The following SLC1A5 variants were observed in gnomAD, a reference collection of about 807,000 sequenced individuals.
SLC1A5 encodes neutral amino acid transporter B(0).
SLC1A5 carries 25 observed loss-of-function variants against 34.9 expected under a neutral mutation model. The ratio of observed to expected loss-of-function variants is 0.72; its 90% CI spans 0.52 to 1.00. SLC1A5 has a LOEUF of 1.00. Ranked by LOEUF, SLC1A5 falls within the 50% of genes least tolerant of loss-of-function variation. The pLI, the probability that SLC1A5 is intolerant of heterozygous loss-of-function variation, is 0.00. For synonymous variants in SLC1A5, 351 were observed against 341.2 expected, an observed-to-expected ratio of 1.03 and a Z score of -0.32; for missense variants, 637 against 740.0, an observed-to-expected ratio of 0.86 and a Z score of 1.61.
chr19:46,783,791 AAAC>A (rs775309896), intron 3 of SLC1A5, among the ~76,000 whole-genome samples: 23 of 152,218 alleles, frequency 1.5e-4, no homozygotes, highest in Admixed American at 5.2e-4. Context: ...TGTGTCAGAA[AAAC>A]AACAACAAAA....
At chr19:46,780,894 A>G (rs1444125200) in intron 4 of SLC1A5, among the ~76,000 whole-genome samples, 1 of 151,990 alleles carries the variant, frequency 6.6e-6, no homozygotes, top group Non-Finnish European at 1.5e-5. Flanking sequence ...TCACTTGAAC[A>G]TGGGAGGCAG....
chr19:46,787,774 G>T lies in SLC1A5; in HGVS notation c.192C>A (p.Ala64=), dbSNP rs1279780694. The T allele has an allele frequency of 2.6e-5, 41 of 1,548,130 alleles. No homozygotes were observed. The highest frequency in any genetic ancestry group is 3.5e-5 in the Non-Finnish European group (40 of 1,149,292). The change falls in exon 1 of 8, where the codon GCC becomes GCA. Residue 64 remains alanine, a synonymous_variant. Transcript: ENST00000542575. The surrounding 1 kb of genome is among the most constrained non-coding windows in gnomAD (Gnocchi z 5.2). ...ACACCCCCAGTCCCAGCGCCACGCC[G>T]GCCACCACGGCCACCACTGTCAGCA... is the stretch of plus-strand genomic sequence containing the variant. ...LVLLTVVAVV[A]GVALGLGVSG...
rs1415067533 is a variant in SLC1A5 at position 46,784,532 on chromosome 19, T to C, written c.594A>G (p.Ser198=). 3.1e-6 allele frequency: 5 copies of C among 1,614,106 alleles called. No homozygotes were observed. The highest frequency in any genetic ancestry group is 3.4e-6 in the Non-Finnish European group (4 of 1,180,020). Residue 198 remains serine, a synonymous_variant, in exon 2 of 8, where the codon TCA becomes TCG. Transcript: ENST00000542575. The part of the protein sequence containing the change: ...ARNIFPSNLV[S]AAFRSYSTTY... Reference sequence around the variant, plus strand: ...GAGGACTCACTGAGCGAAAGGCTGCTGACACCAGGTTGGAAGGGAAGATAT... The same window carrying C: ...GAGGACTCACTGAGCGAAAGGCTGCCGACACCAGGTTGGAAGGGAAGATAT...
intron 5 of SLC1A5, among the ~76,000 whole-genome samples, chr19:46,777,693 C>T (rs1375579353): frequency 1.4e-5 from 2 of 145,958 alleles, no homozygotes; most frequent in Non-Finnish European, 3.0e-5. Flanking sequence ...GCCCATACCA[C>T]TTGCCCAGCC....
intron 5 of SLC1A5, 25 bp downstream of exon 5, chr19:46,778,650 A>AGCCCCCC: frequency 6.2e-6 from 4 of 641,652 alleles, no homozygotes; most frequent in South Asian, 1.4e-5. Context: ...TAAACATCCC[A>AGCCCCCC]CCCTAGCCCA....
intron 1 of SLC1A5, 134 bp from the exon 2 acceptor site, chr19:46,784,693 C>T (rs1311310243): frequency 1.3e-6 from 2 of 1,579,238 alleles, no homozygotes; most frequent in Non-Finnish European, 1.7e-6. Context: ...ACAGCCCCTA[C>T]TCATGCCTCA....
intron 4 of SLC1A5, among the ~76,000 whole-genome samples, chr19:46,780,104 A>G (rs2055133931): frequency 6.6e-6 from 1 of 152,060 alleles, no homozygotes; most frequent in African/African-American, 2.4e-5. Flanking sequence ...TGCCTGCCTC[A>G]GCCTCCCAAA....
In SLC1A5 at chr19:46,780,176, CA is replaced by C. The variant is rs531920331; in HGVS notation, c.825-1269del. ...CACCCAGTTTCTTAAACAACAACAA[CA>C]AAAAAAATGAGCTAGGCTTTGTGGC... On this transcript the variant is annotated intron_variant, in intron 4 of 7. Coordinates refer to ENST00000542575, the MANE Select transcript of SLC1A5 (RefSeq NM_005628.3). Among the ~76,000 whole-genome samples, 93 of 151,012 alleles carry C rather than the reference CA, an allele frequency of 6.2e-4. 2 individuals carry two copies. The Middle Eastern group carries it at 0.021, about 33-fold the overall frequency.
rs1016758567 is a variant in SLC1A5, at chr19:46,778,664, C to T, written c.1058+11G>A. On this transcript the variant is annotated intron_variant, in intron 5 of 7. Coordinates refer to ENST00000542575, the MANE Select transcript of SLC1A5 (RefSeq NM_005628.3). ...TTAAACATCCCACCCTAGCCCACCCCAAGGCCGTACCTGGAAGAGGTCCCA... is the reference window on the plus strand; with the variant it reads ...TTAAACATCCCACCCTAGCCCACCCTAAGGCCGTACCTGGAAGAGGTCCCA... 3 of 1,531,886 alleles carry T rather than the reference C, an allele frequency of 2.0e-6. No individual in the cohort carries two copies. The highest frequency in any genetic ancestry group is 2.7e-6 in the Non-Finnish European group (3 of 1,110,114). 94.9% of individuals were successfully genotyped at this position (1,531,886 alleles called of 1,614,324 possible). A position where few individuals can be genotyped will look rare whatever the true frequency, so the allele number is the denominator to read the frequency against.
intron 4 of SLC1A5, among the ~76,000 whole-genome samples, chr19:46,780,226 T>C (rs955302516): frequency 8.6e-5 from 13 of 152,044 alleles, no homozygotes; most frequent in Non-Finnish European, 1.6e-4. Flanking sequence ...CCCAGCCACT[T>C]AGGAGGTTGA....
intron 4 of SLC1A5, among the ~76,000 whole-genome samples, chr19:46,779,148 G>A (rs2055124757): frequency 6.6e-6 from 1 of 152,188 alleles, no homozygotes; most frequent in Admixed American, 6.5e-5. Flanking sequence ...GTGCAGGCCG[G>A]GCACGGTGGC....
At chr19:46,782,351 A>ACCCCCCCCCCCCCC in intron 4 of SLC1A5, 32 bp downstream of exon 4, 1 of 256,186 alleles carries the variant, frequency 3.9e-6, no homozygotes, top group Non-Finnish European at 7.0e-6. Flanking sequence ...CTCCAACCCC[A>ACCCCCCCCCCCCCC]CCCACCCCCA....
At chr19:46,781,529 C>T (rs141511424) in intron 4 of SLC1A5, among the ~76,000 whole-genome samples, 290 of 152,186 alleles carry the variant, frequency 1.9e-3, no homozygotes, top group African/African-American at 6.8e-3. Flanking sequence ...ACCCGGGAGG[C>T]GGAGTTTGCA....
rs73566931 is a variant in SLC1A5 at position 46,778,725 on chromosome 19, G to C, written c.1008C>G (p.Phe336Leu). The change falls in exon 5 of 8, where the codon TTC becomes TTG. Residue 336 changes from phenylalanine (F) to leucine (L), a missense_variant. Physicochemically the swap from Phe to Leu is conservative, Grantham distance 22 (BLOSUM62 0). Transcript: ENST00000542575. Reference protein sequence around the residue: ...FLFTRKNPYRFLWGIVTPLAT... With the variant: ...FLFTRKNPYRLLWGIVTPLAT... Reference sequence around the variant, plus strand: ...CCAGCGGCGTCACGATGCCCCACAGGAAGCGGTAGGGGTTTTTGCGGGTGA... The same window carrying C: ...CCAGCGGCGTCACGATGCCCCACAGCAAGCGGTAGGGGTTTTTGCGGGTGA... 3.1e-4 allele frequency: 493 copies of C among 1,614,056 alleles called. No individual in the cohort carries two copies. In the African/African-American group the frequency reaches 5.9e-3, roughly 19 times the overall value.
Position 46,775,052 on chromosome 19 carries a change from AACACACACACACACAC to A in SLC1A5, c.*442_*457del, listed in dbSNP as rs55753437. ...GTACCATGGGGACAGGAGGTCACAG[AACACACACACACACAC>A]ACACACACACACACACACACACGTG... On this transcript the variant is annotated 3_prime_UTR_variant, in exon 8 of 8. Coordinates refer to ENST00000542575, the MANE Select transcript of SLC1A5 (RefSeq NM_005628.3). The A allele has an allele frequency of 2.6e-5, 25 of 977,986 alleles. No individual in the cohort carries two copies. The highest frequency in any genetic ancestry group is 1.9e-4 in the South Asian group (4 of 20,980). The allele number at this position is 977,986 out of a possible 1,614,324, so 60.6% of individuals were successfully genotyped here.
chr19:46,783,514 C>T (rs2122695334), intron 3 of SLC1A5, among the ~76,000 whole-genome samples: 1 of 151,360 alleles, frequency 6.6e-6, no homozygotes, highest in African/African-American at 2.4e-5. Flanking sequence ...ATACTCAGGG[C>T]CAGGAGCAGT....
At chr19:46,782,345 A>ACCCCCCCCCC in intron 4 of SLC1A5, 38 bp downstream of exon 4, 6 of 292,428 alleles carry the variant, frequency 2.1e-5, no homozygotes, top group Non-Finnish European at 3.4e-5. Context: ...CCGACCCTCC[A>ACCCCCCCCCC]ACCCCACCCA....
chr19:46,778,884 G>A lies in SLC1A5; in HGVS notation c.849C>T (p.Phe283=), dbSNP rs2055122192. The A allele has an allele frequency of 6.3e-7, 1 of 1,581,064 alleles. No individual in the cohort carries two copies. The highest frequency in any genetic ancestry group is 2.2e-5 in the East Asian group (1 of 44,740). Residue 283 remains phenylalanine (F), a synonymous_variant, in exon 5 of 8, where the codon TTC becomes TTT. Transcript: ENST00000542575. Reference sequence around the variant, plus strand: ...TCTCCACGATCTTGCCAGCCACCAGGAACATGATGCCCACAGGGGCGTACC... The same window carrying A: ...TCTCCACGATCTTGCCAGCCACCAGAAACATGATGCCCACAGGGGCGTACC... ...IMWYAPVGIM[F]LVAGKIVEME...
intron 2 of SLC1A5, 47 bp downstream of exon 2, chr19:46,784,470 C>A: frequency 6.2e-7 from 1 of 1,608,656 alleles, no homozygotes; most frequent in Non-Finnish European, 8.5e-7. Flanking sequence ...TGGCTGGCAT[C>A]CCTCCCTGTC....
Sources: allele counts gnomAD v4.1 joint callset (sites outside exome capture counted in the v4.1 genomes callset), GRCh38; gene constraint gnomAD v4.1.1; non-coding constraint Gnocchi (gnomAD v3.1); transcripts MANE v1.5; gene names NCBI Gene and HGNC (gene_info 2026-07-23, HGNC 2026-07-21).